Variants in DLGAP2 observed in about 807,000 individuals in gnomAD.
DLGAP2 encodes the protein disks large-associated protein 2.
In DLGAP2, 26 loss-of-function variants were observed where a neutral mutation model predicts 100.3. That is an observed-to-expected ratio of 0.26 (90% CI 0.19 to 0.36). The LOEUF (loss-of-function observed/expected upper bound fraction) is 0.36. Among genes scored for constraint, DLGAP2 ranks in the 10% least tolerant of loss-of-function variants. The pLI, the probability that DLGAP2 is intolerant of heterozygous loss-of-function variation, is 1.00. For missense variants in DLGAP2, 1,858 were observed against 1,453.2 expected, an observed-to-expected ratio of 1.28 and a Z score of -4.53; for synonymous variants, 886 against 630.1, an observed-to-expected ratio of 1.41 and a Z score of -6.08.
At chr8:853,223 G>A (rs997268978) in intron 1 of DLGAP2, among the ~76,000 whole-genome samples, 2 of 152,226 alleles carry the variant, frequency 1.3e-5, no homozygotes, top group Non-Finnish European at 2.9e-5. Context: ...AGGACGCGGA[G>A]CATGGTCATC....
At chr8:1,552,669 A>G (rs890687255) in intron 5 of DLGAP2, among the ~76,000 whole-genome samples, 3 of 152,224 alleles carry the variant, frequency 2.0e-5, no homozygotes, top group African/African-American at 7.2e-5. Context: ...TGTGGGTCCT[A>G]GTGTACGGAT....
chr8:1,694,038 T>C (rs1264409413), intron 13 of DLGAP2, among the ~76,000 whole-genome samples: 1 of 152,176 alleles, frequency 6.6e-6, no homozygotes, highest in Non-Finnish European at 1.5e-5. Context: ...AAGGTGCATA[T>C]TCAGACCTGC....
intron 2 of DLGAP2, among the ~76,000 whole-genome samples, chr8:1,056,198 G>A (rs1043397256): frequency 2.6e-5 from 4 of 152,194 alleles, no homozygotes; most frequent in African/African-American, 4.8e-5. Flanking sequence ...TATAACTTTT[G>A]ATCAAACGAC....
At chr8:1,208,304 A>G (rs1202219083) in intron 2 of DLGAP2, among the ~76,000 whole-genome samples, 2 of 152,060 alleles carry the variant, frequency 1.3e-5, no homozygotes, top group Non-Finnish European at 2.9e-5. Context: ...TCCCAGGACC[A>G]TTTGTTGAAT....
At chr8:1,652,204 C>T (rs1798183162) in intron 8 of DLGAP2, among the ~76,000 whole-genome samples, 1 of 152,174 alleles carries the variant, frequency 6.6e-6, no homozygotes, top group African/African-American at 2.4e-5. Context: ...GCTTTACGCA[C>T]ACCGAGGTTC....
chr8:1,446,445 A>G (rs1196557571), intron 3 of DLGAP2, among the ~76,000 whole-genome samples: 1 of 152,072 alleles, frequency 6.6e-6, no homozygotes, highest in Non-Finnish European at 1.5e-5. Flanking sequence ...TGTTCCATTG[A>G]TCTATAGCTC....
chr8:1,237,634 G>C (rs770285239), intron 2 of DLGAP2, among the ~76,000 whole-genome samples: 1 of 139,514 alleles, frequency 7.2e-6, no homozygotes, highest in South Asian at 2.4e-4. Context: ...ACATGGTGCC[G>C]TGTCTAGTTC....
chr8:983,226 G>GGTCCTCGAGATGTTCTTGT (rs1800389833), intron 2 of DLGAP2, among the ~76,000 whole-genome samples: 1 of 146,234 alleles, frequency 6.8e-6, no homozygotes, highest in African/African-American at 2.5e-5. Context: ...GGAAGGTACA[G>GGTCCTCGAGATGTTCTTGT]GTCCTCGAGA....
rs537940846 is a variant in DLGAP2 at position 1,188,426 on chromosome 8, C to T, written c.74-70425C>T. The stretch of plus-strand genomic sequence containing the variant: ...GACATTTGCCTCACAGAATCGCGCA[C>T]GCCCGGGACCTCCGTGACGTTTCCC... On this transcript the variant is annotated intron_variant, in intron 2 of 14. Coordinates refer to ENST00000637795, the MANE Select transcript of DLGAP2 (RefSeq NM_001346810.2). Among the ~76,000 whole-genome samples, 10 of 128,702 alleles carry T rather than the reference C, an allele frequency of 7.8e-5. No individual in the cohort carries two copies. The East Asian group carries it at 1.7e-3, about 23-fold the overall frequency. 84.4% of individuals were successfully genotyped at this position (128,702 alleles called of 152,430 possible). A position where few individuals can be genotyped will look rare whatever the true frequency, so the allele number is the denominator to read the frequency against.
At chr8:1,699,033 A>G (rs2130889689) in intron 14 of DLGAP2, among the ~76,000 whole-genome samples, 1 of 152,374 alleles carries the variant, frequency 6.6e-6, no homozygotes, top group Non-Finnish European at 1.5e-5. Flanking sequence ...CGTGTAAGCC[A>G]CGGTTTGGAT....
At chr8:837,060 A>G (rs1796892024) in intron 1 of DLGAP2, among the ~76,000 whole-genome samples, 1 of 152,220 alleles carries the variant, frequency 6.6e-6, no homozygotes, top group African/African-American at 2.4e-5. Context: ...TTCGAGTCCT[A>G]TCTCGACCAC....
chr8:1,309,945 A>C (rs765250261), intron 3 of DLGAP2, among the ~76,000 whole-genome samples: 2 of 151,872 alleles, frequency 1.3e-5, no homozygotes, highest in Non-Finnish European at 2.9e-5. Flanking sequence ...AAACACAAAA[A>C]TTAGCCAGGT....
intron 4 of DLGAP2, among the ~76,000 whole-genome samples, chr8:1,517,937 A>T (rs911658269): frequency 3.3e-5 from 5 of 152,212 alleles, no homozygotes; most frequent in Admixed American, 2.6e-4. Context: ...GGACCTGGGA[A>T]CTTTCTGGAG....
intron 3 of DLGAP2, among the ~76,000 whole-genome samples, chr8:1,322,980 C>A (rs536253272): frequency 2.6e-5 from 4 of 152,182 alleles, no homozygotes; most frequent in African/African-American, 9.6e-5. Context: ...TTTGTCCCCT[C>A]CATGCCCCAT....
chr8:824,911 A>G (rs1004541984), intron 1 of DLGAP2, among the ~76,000 whole-genome samples: 5 of 152,290 alleles, frequency 3.3e-5, no homozygotes, highest in African/African-American at 9.6e-5. Context: ...CTGAGGGGCC[A>G]TGGAAGCCAC....
At chr8:1,002,299 C>T (rs1800983086) in intron 2 of DLGAP2, 1 of 152,174 alleles carries the variant, frequency 6.6e-6, no homozygotes, top group Admixed American at 6.5e-5. Flanking sequence ...GGGTCTGTGA[C>T]CTCATCTATA....
chr8:999,355 C>T (rs1800875986), intron 2 of DLGAP2, among the ~76,000 whole-genome samples: 2 of 152,068 alleles, frequency 1.3e-5, no homozygotes, highest in South Asian at 4.2e-4. Flanking sequence ...TTCTCATCTT[C>T]TTTCCCTTGT....
At chr8:1,661,265 G>T (rs115565693) in intron 8 of DLGAP2, among the ~76,000 whole-genome samples, 1,598 of 152,286 alleles carry the variant, frequency 0.01, 27 homozygotes, top group African/African-American at 0.037. Flanking sequence ...CCTCATGGTG[G>T]TGGGGGCTGC....
intron 3 of DLGAP2, among the ~76,000 whole-genome samples, chr8:1,277,145 G>T (rs1382480497): frequency 6.6e-6 from 1 of 152,282 alleles, no homozygotes; most frequent in East Asian, 1.9e-4. Context: ...CCTTAGGGCA[G>T]AATCTAGAAA....
Sources: gnomAD v4.1 joint callset for allele counts (sites outside exome capture counted in the v4.1 genomes callset) on GRCh38, gnomAD v4.1.1 for gene constraint, MANE v1.5 for transcripts, NCBI Gene and HGNC (gene_info 2026-07-23, HGNC 2026-07-21) for gene names.